The following LMF1 variants were observed in gnomAD, a reference collection of about 807,000 sequenced individuals.
The protein encoded by LMF1 is transmembrane protein 112.
Under a neutral mutation model 60.6 loss-of-function variants are expected in LMF1, and 68 were observed. That is an observed-to-expected ratio of 1.12 (90% CI 0.92 to 1.37). The LOEUF (loss-of-function observed/expected upper bound fraction) is 1.37, where lower values mean the gene tolerates loss of function less well. Among genes scored for constraint, LMF1 ranks in the 40% most tolerant of loss-of-function variants. The pLI, the probability that LMF1 is intolerant of heterozygous loss-of-function variation, is 0.00. For synonymous variants in LMF1, 418 were observed against 324.7 expected, an observed-to-expected ratio of 1.29 and a Z score of -3.09; for missense variants, 948 against 767.2, an observed-to-expected ratio of 1.24 and a Z score of -2.78.
intron 6 of LMF1, among the ~76,000 whole-genome samples, chr16:876,924 A>T (rs1233344026): frequency 6.6e-6 from 1 of 152,250 alleles, no homozygotes; most frequent in Admixed American, 6.5e-5. Flanking sequence ...AAAGATGTGG[A>T]AATACGTCCA....
At chr16:929,545 C>T (rs1245926367) in intron 3 of LMF1, among the ~76,000 whole-genome samples, 1 of 152,238 alleles carries the variant, frequency 6.6e-6, no homozygotes, top group East Asian at 1.9e-4. Flanking sequence ...CTTTCCAATG[C>T]GCAAGGGCGG....
In LMF1 at chr16:878,776, G is replaced by T. The variant is rs1279552333; in HGVS notation, c.897+794C>A. Among the ~76,000 whole-genome samples, 1 of 147,774 alleles carries T rather than the reference G, an allele frequency of 6.8e-6. No individual in the cohort carries two copies. Among genetic ancestry groups the T allele is most frequent in the East Asian group, 2.1e-4 (1 of 4,838 alleles). On this transcript the variant is annotated intron_variant, in intron 6 of 10. Transcript: ENST00000262301. This position sits in a 1 kb window ranked among gnomAD's most constrained non-coding sequence, Gnocchi z 5.2. ...CAGGGGCGGGCAGGGCAGGGGAAGG[G>T]GCGTGGGACACCCAGGTACATCTGT...
chr16:954,226 A>G (rs751229290), intron 2 of LMF1, 131 bp downstream of exon 2: 4 of 1,016,792 alleles, frequency 3.9e-6, no homozygotes. Context: ...GCCTAAGTAA[A>G]ATGACAATAC....
At chr16:918,719 C>T (rs945753086) in intron 3 of LMF1, among the ~76,000 whole-genome samples, 3 of 141,742 alleles carry the variant, frequency 2.1e-5, no homozygotes, top group Non-Finnish European at 4.8e-5. Flanking sequence ...AGGCAGCCTG[C>T]GTGGCTGAGA....
chr16:978,003 C>CA (rs1484822050), intron 1 of LMF1, among the ~76,000 whole-genome samples: 1 of 137,664 alleles, frequency 7.3e-6, no homozygotes, highest in Non-Finnish European at 1.5e-5. Context: ...CACACACACA[C>CA]ACCACACACA....
At chr16:913,434 G>A (rs764651097) in intron 3 of LMF1, among the ~76,000 whole-genome samples, 1 of 152,240 alleles carries the variant, frequency 6.6e-6, no homozygotes, top group Non-Finnish European at 1.5e-5. Flanking sequence ...AGCCCTGCCC[G>A]CTGGACAGGG....
intron 3 of LMF1, among the ~76,000 whole-genome samples, chr16:932,235 G>C (rs895405223): frequency 8.5e-5 from 13 of 152,208 alleles, no homozygotes; most frequent in Admixed American, 5.9e-4. Context: ...GCGGGGGCAC[G>C]GGGAGGGTGG....
upstream of LMF1, chr16:975,761 G>A (rs1410154213): frequency 2.2e-6 from 1 of 450,836 alleles, no homozygotes; most frequent in South Asian, 1.6e-5. Flanking sequence ...AGACAGCAGA[G>A]ACATTTTCAC....
At chr16:956,561 G>A (rs2072709027) in intron 1 of LMF1, among the ~76,000 whole-genome samples, 2 of 152,216 alleles carry the variant, frequency 1.3e-5, no homozygotes, top group Admixed American at 1.3e-4. Context: ...GTAGATTTAA[G>A]GGCTGGGCAG....
At chr16:876,230 C>A (rs928535557) in intron 6 of LMF1, among the ~76,000 whole-genome samples, 1 of 152,242 alleles carries the variant, frequency 6.6e-6, no homozygotes, top group African/African-American at 2.4e-5. Context: ...CAGGAGCCCA[C>A]GCGCGGCCGC....
At chr16:914,225 C>T (rs1328962771) in intron 3 of LMF1, among the ~76,000 whole-genome samples, 1 of 152,058 alleles carries the variant, frequency 6.6e-6, no homozygotes, top group East Asian at 1.9e-4. Context: ...TCCCTGACCC[C>T]TCCTGGGAGG....
At chr16:957,030 C>T (rs967073704) in intron 1 of LMF1, among the ~76,000 whole-genome samples, 2 of 150,608 alleles carry the variant, frequency 1.3e-5, no homozygotes, top group African/African-American at 2.4e-5. Flanking sequence ...GGTGGTGCAC[C>T]CCGGTAGTCC....
At position 878,155 on chromosome 16, in the gene LMF1, G is replaced by C. The variant is rs190912551; in HGVS notation, c.897+1415C>G. Among the ~76,000 whole-genome samples the C allele has an allele frequency of 2.0e-5, 3 of 151,986 alleles. No homozygotes were observed. In the East Asian group the frequency reaches 5.8e-4, roughly 29 times the overall value. On this transcript the variant is annotated intron_variant, in intron 6 of 10. Transcript: ENST00000262301. This position sits in a 1 kb window ranked among gnomAD's most constrained non-coding sequence, Gnocchi z 5.2. ...GAGCCCCCAAACACGCGTGGGGTCC[G>C]GCTACATGGAACCGACTGAAGCTAT...
At position 870,715 on chromosome 16, in the gene LMF1, C is replaced by A; in HGVS notation, c.1232+14G>T. The A allele has an allele frequency of 5.0e-6, 8 of 1,612,270 alleles. No homozygotes were observed. The highest frequency in any genetic ancestry group is 6.8e-6 in the Non-Finnish European group (8 of 1,179,704). On this transcript the variant is annotated intron_variant, in intron 8 of 10. Coordinates refer to ENST00000262301, the MANE Select transcript of LMF1 (RefSeq NM_022773.4). ...TATACCCAGCTCCGGGGGACGGGGA[C>A]CCCAGGCTCATACCTTCCGAAGGCC...
In LMF1 at chr16:853,646, C is replaced by G. The variant is rs780926269; in HGVS notation, c.*886G>C. 1 of 449,080 alleles carries G rather than the reference C, an allele frequency of 2.2e-6. No individual in the cohort carries two copies. Among genetic ancestry groups the G allele is most frequent in the African/African-American group, 2.0e-5 (1 of 49,912 alleles). The allele number at this position is 449,080 out of a possible 1,614,324, so 27.8% of individuals were successfully genotyped here. On this transcript the variant is annotated 3_prime_UTR_variant, in exon 11 of 11. Transcript: ENST00000262301. ...TTTAAACAGTGTGTTTTCGAGTAAGCTGGTAAGTGGTATAATAGGAATAGT... is the reference window on the plus strand; with the variant it reads ...TTTAAACAGTGTGTTTTCGAGTAAGGTGGTAAGTGGTATAATAGGAATAGT...
intron 2 of LMF1, among the ~76,000 whole-genome samples, chr16:953,176 G>C (rs1399544111): frequency 5.4e-4 from 44 of 81,750 alleles, no homozygotes; most frequent in African/African-American, 1.1e-3. Flanking sequence ...CGTCCACACA[G>C]ACACCCCAAA....
At chr16:869,781 C>T in intron 9 of LMF1, 102 bp downstream of exon 9, 2 of 1,226,154 alleles carry the variant, frequency 1.6e-6, no homozygotes, top group Non-Finnish European at 2.3e-6. Flanking sequence ...AGCCTCCCTC[C>T]CCACCAGCCC....
At chr16:876,390 C>G (rs997225989) in intron 6 of LMF1, among the ~76,000 whole-genome samples, 1 of 152,176 alleles carries the variant, frequency 6.6e-6, no homozygotes, top group Admixed American at 6.5e-5. Context: ...GATGGGGACA[C>G]GTGTCGTCGT....
intron 5 of LMF1, among the ~76,000 whole-genome samples, chr16:881,892 G>A (rs889407769): frequency 5.3e-5 from 8 of 152,316 alleles, no homozygotes; most frequent in Middle Eastern, 3.4e-3. Context: ...GGCTGCTGAC[G>A]TGTGTCGGCT....
Sources: allele counts gnomAD v4.1 joint callset (sites outside exome capture counted in the v4.1 genomes callset), GRCh38; gene constraint gnomAD v4.1.1; non-coding constraint Gnocchi (gnomAD v3.1); transcripts MANE v1.5; gene names NCBI Gene and HGNC (gene_info 2026-07-23, HGNC 2026-07-21).